ROBO1: variants seen among roughly 807,000 people sequenced by gnomAD.
ROBO1 encodes the protein roundabout guidance receptor 1, also known as roundabout homolog 1.
A neutral mutation model predicts 195.9 loss-of-function variants in ROBO1; 149 were observed. That is an observed-to-expected ratio of 0.76 (90% confidence interval 0.67 to 0.87). The LOEUF (loss-of-function observed/expected upper bound fraction) is 0.87, where lower values mean the gene tolerates loss of function less well. ROBO1 is among the 40% of genes least tolerant of loss of function. ROBO1 has a pLI of 0.00. For synonymous variants in ROBO1, 816 were observed against 733.2 expected (o/e 1.11, Z -1.82); for missense variants, 1,933 against 2,068.3 (o/e 0.93, Z 1.27).
chr3:78,941,027 G>A (rs2107699883), intron 3 of ROBO1, among the ~76,000 whole-genome samples: 1 of 152,256 alleles, frequency 6.6e-6, no homozygotes, highest in East Asian at 1.9e-4. Flanking sequence ...TTAATAGACT[G>A]TAAGCCCTAC....
rs142983934 is a variant in ROBO1 at position 78,786,790 on chromosome 3, C to A, written c.500-39890G>T. Among the ~76,000 whole-genome samples the A allele has an allele frequency of 1.6e-4, 25 of 152,248 alleles. No homozygotes were observed. In the East Asian group the frequency reaches 4.8e-3, roughly 29 times the overall value. On this transcript the variant is annotated intron_variant, in intron 4 of 30. Transcript: ENST00000464233. ...CCCTAGCCATATGGAATTGTTGAGTCCATTAAGCCTCTTTTTCTTTATAAA... is the reference window on the plus strand; with the variant it reads ...CCCTAGCCATATGGAATTGTTGAGTACATTAAGCCTCTTTTTCTTTATAAA...
chr3:79,378,387 T>C (rs1575746889), intron 2 of ROBO1, among the ~76,000 whole-genome samples: 1 of 152,092 alleles, frequency 6.6e-6, no homozygotes, highest in East Asian at 1.9e-4. Context: ...CTGGCAGCAT[T>C]TTCTATTCAG....
At chr3:78,711,269 TCCTTTCTTTCTTTC>T (rs1404639107) in intron 8 of ROBO1, among the ~76,000 whole-genome samples, 15 of 151,944 alleles carry the variant, frequency 9.9e-5, no homozygotes, top group Admixed American at 9.2e-4. Flanking sequence ...CTCTCTTTCT[TCCTTTCTTTCTTTC>T]CCTTTCTTTC....
intron 4 of ROBO1, among the ~76,000 whole-genome samples, chr3:78,772,334 T>A: frequency 6.6e-6 from 1 of 152,084 alleles, no homozygotes; most frequent in East Asian, 1.9e-4. Flanking sequence ...TCTAAATTAT[T>A]TGAGGAACAT....
intron 2 of ROBO1, among the ~76,000 whole-genome samples, chr3:79,143,594 A>G (rs2080579680): frequency 6.6e-6 from 1 of 152,088 alleles, no homozygotes; most frequent in African/African-American, 2.4e-5. Flanking sequence ...TCTACTTGCA[A>G]ATATACTATA....
At chr3:79,136,618 TA>T (rs1362882349) in intron 2 of ROBO1, among the ~76,000 whole-genome samples, 1 of 152,132 alleles carries the variant, frequency 6.6e-6, no homozygotes, top group East Asian at 1.9e-4. Flanking sequence ...ATTAGAAACG[TA>T]GGCAATGAAT....
chr3:79,116,936 A>C (rs1395733948), intron 3 of ROBO1, among the ~76,000 whole-genome samples: 4 of 152,164 alleles, frequency 2.6e-5, no homozygotes, highest in Admixed American at 2.6e-4. Context: ...TACTATTTTT[A>C]ATTGCTTTTT....
chr3:79,338,920 A>T (rs2034794173), intron 2 of ROBO1, among the ~76,000 whole-genome samples: 1 of 152,176 alleles, frequency 6.6e-6, no homozygotes, highest in Non-Finnish European at 1.5e-5. Context: ...ATATTAAAAA[A>T]TCAAACTTTG....
At chr3:79,017,962 G>A (rs1244830741) in intron 3 of ROBO1, among the ~76,000 whole-genome samples, 1 of 152,184 alleles carries the variant, frequency 6.6e-6, no homozygotes, top group Non-Finnish European at 1.5e-5. Context: ...GAGAGGACTA[G>A]GCTCAGGAAT....
intron 2 of ROBO1, among the ~76,000 whole-genome samples, chr3:79,553,235 G>A (rs1451281454): frequency 2.0e-5 from 3 of 151,888 alleles, no homozygotes; most frequent in East Asian, 3.9e-4. Context: ...CTCTAATTGT[G>A]CTTATTCCAT....
At chr3:78,785,918 T>C (rs74649991) in intron 4 of ROBO1, among the ~76,000 whole-genome samples, 1 of 152,212 alleles carries the variant, frequency 6.6e-6, no homozygotes, top group Admixed American at 6.5e-5. Flanking sequence ...AGAGGGCTGT[T>C]GTATTTTAAC....
At chr3:79,445,157 T>C (rs1349971092) in intron 2 of ROBO1, among the ~76,000 whole-genome samples, 3 of 149,796 alleles carry the variant, frequency 2.0e-5, no homozygotes, top group African/African-American at 7.5e-5. Context: ...TAAATATCCA[T>C]CTTACCTACC....
intron 5 of ROBO1, among the ~76,000 whole-genome samples, chr3:78,743,982 T>C (rs1391268169): frequency 6.6e-6 from 1 of 152,182 alleles, no homozygotes; most frequent in Non-Finnish European, 1.5e-5. Context: ...TACCACGATG[T>C]AATTTTTTCT....
intron 2 of ROBO1, among the ~76,000 whole-genome samples, chr3:79,170,702 A>G (rs571590283): frequency 6.6e-6 from 1 of 152,196 alleles, no homozygotes; most frequent in Non-Finnish European, 1.5e-5. Flanking sequence ...AGTGAATTAG[A>G]CAAGTTATTT....
At chr3:78,776,626 T>A (rs969381426) in intron 4 of ROBO1, among the ~76,000 whole-genome samples, 1 of 152,180 alleles carries the variant, frequency 6.6e-6, no homozygotes, top group East Asian at 1.9e-4. Context: ...AACAAATAAA[T>A]CTTTCATTAT....
chr3:79,009,656 T>C (rs2077726279), intron 3 of ROBO1, among the ~76,000 whole-genome samples: 1 of 152,230 alleles, frequency 6.6e-6, no homozygotes, highest in Non-Finnish European at 1.5e-5. Flanking sequence ...CAGGTTTCAT[T>C]GGCAGGAATT....
chr3:79,091,600 G>C (rs1459680615), intron 3 of ROBO1, among the ~76,000 whole-genome samples: 1 of 151,910 alleles, frequency 6.6e-6, no homozygotes, highest in African/African-American at 2.4e-5. Context: ...AGAAACAAGC[G>C]AAAGAAAAAT....
At chr3:78,680,242 T>G (rs1375379297) in intron 10 of ROBO1, among the ~76,000 whole-genome samples, 1 of 152,124 alleles carries the variant, frequency 6.6e-6, no homozygotes. Context: ...GAAGAAAACC[T>G]AGGCATTACC....
chr3:78,657,359 G>T, intron 17 of ROBO1, 90 bp from the exon 18 acceptor site: 1 of 1,361,136 alleles, frequency 7.3e-7, no homozygotes. Flanking sequence ...GACCCAGACA[G>T]AGTACTAAAC....
Sources: allele counts gnomAD v4.1 joint callset (sites outside exome capture counted in the v4.1 genomes callset), GRCh38; gene constraint gnomAD v4.1.1; transcripts MANE v1.5; gene names NCBI Gene and HGNC (gene_info 2026-07-23, HGNC 2026-07-21).